The following ZKSCAN2 variants were observed in gnomAD, a reference collection of about 807,000 sequenced individuals.
ZKSCAN2 encodes the protein zinc finger protein with KRAB and SCAN domains 2.
A neutral mutation model predicts 90.5 loss-of-function variants in ZKSCAN2; 38 were observed. The ratio of observed to expected loss-of-function variants is 0.42; its 90% CI spans 0.32 to 0.55. The LOEUF (loss-of-function observed/expected upper bound fraction) is 0.55, where lower values mean the gene tolerates loss of function less well. ZKSCAN2 is among the 20% of genes least tolerant of loss of function. The probability of loss-of-function intolerance (pLI) is 0.11; values close to 1 mark genes in which losing one functional copy is unlikely to be tolerated. For missense variants in ZKSCAN2, 1,167 were observed against 1,202.6 expected, an observed-to-expected ratio of 0.97 and a Z score of 0.44; for synonymous variants, 429 against 421.6, an observed-to-expected ratio of 1.02 and a Z score of -0.22.
intron 2 of ZKSCAN2, 102 bp downstream of exon 2, chr16:25,255,104 T>C (rs1963078251): frequency 1.7e-6 from 2 of 1,195,484 alleles, no homozygotes; most frequent in East Asian, 2.6e-5. Flanking sequence ...CTATTCTGAA[T>C]ATGTATCAAG....
In ZKSCAN2 at chr16:25,238,285, C is replaced by A. The variant is rs555459276; in HGVS notation, c.*1531G>T. On this transcript the variant is annotated 3_prime_UTR_variant, in exon 7 of 7. Coordinates refer to ENST00000328086, the MANE Select transcript of ZKSCAN2 (RefSeq NM_001012981.5). ...AAACAGCCCTAACTCCGGTTCCCTT[C>A]CCATTAAACTTGTGACTTCTCCCTT... 1.6e-4 allele frequency: 25 copies of A among 152,380 alleles called. No homozygotes were observed. The highest frequency in any genetic ancestry group is 5.8e-4 in the African/African-American group (24 of 41,558). The allele number at this position is 152,380 out of a possible 1,614,324, so 9.4% of individuals were successfully genotyped here. A position where few individuals can be genotyped will look rare whatever the true frequency, so the allele number is the denominator to read the frequency against.
At position 25,236,363 on chromosome 16, in the gene ZKSCAN2, T is replaced by G. The variant is rs1197452764; in HGVS notation, c.*3453A>C. ...TCCCCAACAAGCTCCTGGGCTGAGTTTGCTGTCACAGCATCCCCTCCCTTT... is the reference window on the plus strand; with the variant it reads ...TCCCCAACAAGCTCCTGGGCTGAGTGTGCTGTCACAGCATCCCCTCCCTTT... On this transcript the variant is annotated 3_prime_UTR_variant, in exon 7 of 7. Transcript: ENST00000328086. 1 of 152,376 alleles carries G rather than the reference T, an allele frequency of 6.6e-6. No individual in the cohort carries two copies. The highest frequency in any genetic ancestry group is 1.5e-5 in the Non-Finnish European group (1 of 68,160). 9.4% of individuals were successfully genotyped at this position (152,376 alleles called of 1,614,324 possible). A position where few individuals can be genotyped will look rare whatever the true frequency, so the allele number is the denominator to read the frequency against.
intron 2 of ZKSCAN2, among the ~76,000 whole-genome samples, chr16:25,254,583 T>C (rs1963067925): frequency 6.6e-6 from 1 of 152,222 alleles, no homozygotes; most frequent in South Asian, 2.1e-4. Context: ...TTGTAGAATG[T>C]AGATCTTATT....
At position 25,257,397 on chromosome 16, in the gene ZKSCAN2, A is replaced by G; in HGVS notation, c.-270T>C. ...TGGTTTTCCAGAGTGCATCCCTCTT[A>G]GTGCAAAGTCGGAAACCGGGAGGCT... On this transcript the variant is annotated 5_prime_UTR_variant, in exon 1 of 7. Coordinates refer to ENST00000328086, the MANE Select transcript of ZKSCAN2 (RefSeq NM_001012981.5). 1 of 1,169,978 alleles carries G rather than the reference A, an allele frequency of 8.5e-7. No homozygotes were observed. The highest frequency in any genetic ancestry group is 1.1e-6 in the Non-Finnish European group (1 of 949,476). The allele number at this position is 1,169,978 out of a possible 1,614,324, so 72.5% of individuals were successfully genotyped here.
intron 4 of ZKSCAN2, among the ~76,000 whole-genome samples, chr16:25,249,907 A>C (rs188240313): frequency 8.5e-4 from 130 of 152,378 alleles, no homozygotes; most frequent in African/African-American, 3.0e-3. Context: ...TCAATGAAGC[A>C]TTATTCACAA....
chr16:25,253,641 T>C (rs1963054026), intron 2 of ZKSCAN2, among the ~76,000 whole-genome samples: 1 of 152,238 alleles, frequency 6.6e-6, no homozygotes, highest in African/African-American at 2.4e-5. Context: ...TAGCATTTAT[T>C]GAGCACTATT....
At chr16:25,256,678 T>G in intron 1 of ZKSCAN2, 51 bp downstream of exon 1, 2 of 1,557,406 alleles carry the variant, frequency 1.3e-6, no homozygotes, top group Non-Finnish European at 1.7e-6. Context: ...CCCACATGCC[T>G]TTCCCATTCC....
At position 25,240,599 on chromosome 16, in the gene ZKSCAN2, T is replaced by G; in HGVS notation, c.2121A>C (p.Glu707Asp). Residue 707 changes from glutamate to aspartate, a missense_variant, in exon 7 of 7, where the codon GAA (glutamate) becomes GAC (aspartate). Transcript: ENST00000328086. ...TTTCCCATTGTCTTCCTGAGATGCA[T>G]TCCCTTTTGCGATATTTGCTGGGGT... Reference protein sequence around the residue: ...STDPSKYRKRECISGRQWENL... With the variant: ...STDPSKYRKRDCISGRQWENL... 1 of 1,614,238 alleles carries G rather than the reference T, an allele frequency of 6.2e-7. No homozygotes were observed. Among genetic ancestry groups the G allele is most frequent in the Non-Finnish European group, 8.5e-7 (1 of 1,180,040 alleles).
At chr16:25,248,282 C>CAA (rs55673563) in intron 4 of ZKSCAN2, among the ~76,000 whole-genome samples, 339 of 23,158 alleles carry the variant, frequency 0.015, 4 homozygotes, top group Middle Eastern at 0.036. Flanking sequence ...TTCTATACAG[C>CAA]AAAAAAAAAA....
rs1962823704 is a variant in ZKSCAN2, at chr16:25,239,930, A to G, written c.2790T>C (p.Leu930=). The change falls in exon 7 of 7, where the codon CTT becomes CTC. Residue 930 remains leucine (L), a synonymous_variant. Transcript: ENST00000328086. ...TCACATGAACTTCCCGATGTTTGGT[A>G]AGAACAGAACTCTTACTGAAACGTT... The part of the protein sequence containing the change: ...CGKRFSKSSV[L]TKHREVHVRE... 1.2e-6 allele frequency: 2 copies of G among 1,614,194 alleles called. No individual in the cohort carries two copies. The highest frequency in any genetic ancestry group is 1.7e-6 in the Non-Finnish European group (2 of 1,180,028).
At chr16:25,243,555 C>T (rs1962884757) in intron 6 of ZKSCAN2, among the ~76,000 whole-genome samples, 1 of 152,168 alleles carries the variant, frequency 6.6e-6, no homozygotes, top group Admixed American at 6.5e-5. Flanking sequence ...TCTTGAACTC[C>T]TGACCCCAGG....
Position 25,240,189 on chromosome 16 carries a change from G to C in ZKSCAN2, c.2531C>G (p.Ser844Cys). The change falls in exon 7 of 7, where the codon TCT (serine) becomes TGT (cysteine). Residue 844 changes from serine to cysteine, a missense_variant. Physicochemically the swap from Ser to Cys is moderately radical, Grantham distance 112 (BLOSUM62 -1). Coordinates refer to ENST00000328086, the MANE Select transcript of ZKSCAN2 (RefSeq NM_001012981.5). The part of the protein sequence containing the change: ...GECGKCFSQS[S>C]SLIIHQRTHT... ...CGTTCTCTGATGTATAATAAGACTA[G>C]AGCTCTGACTAAAGCATTTTCCACA... 1.2e-6 allele frequency: 2 copies of C among 1,614,100 alleles called. No homozygotes were observed. Among genetic ancestry groups the C allele is most frequent in the Non-Finnish European group, 1.7e-6 (2 of 1,180,022 alleles).
chr16:25,248,721 T>C (rs758504810), intron 4 of ZKSCAN2, among the ~76,000 whole-genome samples: 13 of 152,180 alleles, frequency 8.5e-5, no homozygotes, highest in Admixed American at 1.3e-4. Flanking sequence ...GGAAGAGTCA[T>C]TATGGAAAAC....
rs747847540 is a variant in ZKSCAN2, at chr16:25,243,969, T to C, written c.1797A>G (p.Pro599=). The change falls in exon 6 of 7, where the codon CCA becomes CCG. Residue 599 remains proline (P), a synonymous_variant. Transcript: ENST00000328086. ...CCCCTCTTTCTTGCCTTGAAGGTGA[T>C]GGGACTTCCTCTGGGGTGCTGGGGG... The part of the protein sequence containing the change: ...APSPSTPEEV[P]SPSRQERGGI... 2.7e-5 allele frequency: 44 copies of C among 1,614,074 alleles called. No individual in the cohort carries two copies. The highest frequency in any genetic ancestry group is 1.6e-4 in the Middle Eastern group (1 of 6,084).
rs1962764548 is a variant in ZKSCAN2, at chr16:25,236,116, C to A, written c.*3700G>T. 2 of 152,200 alleles carry A rather than the reference C, an allele frequency of 1.3e-5. No individual in the cohort carries two copies. Among genetic ancestry groups the A allele is most frequent in the African/African-American group, 4.8e-5 (2 of 41,452 alleles). The allele number at this position is 152,200 out of a possible 1,614,324, so 9.4% of individuals were successfully genotyped here. On this transcript the variant is annotated 3_prime_UTR_variant, in exon 7 of 7. Transcript: ENST00000328086. ...AACAATGAATGGACATCCATTTGCACCAGGTCTTGGAATGCATTCAGAGGC... is the reference window on the plus strand; with the variant it reads ...AACAATGAATGGACATCCATTTGCAACAGGTCTTGGAATGCATTCAGAGGC...
At position 25,257,389 on chromosome 16, in the gene ZKSCAN2, T is replaced by A. The variant is rs1963123561; in HGVS notation, c.-262A>T. 2 of 1,204,630 alleles carry A rather than the reference T, an allele frequency of 1.7e-6. No individual in the cohort carries two copies. Among genetic ancestry groups the A allele is most frequent in the Non-Finnish European group, 2.1e-6 (2 of 970,210 alleles). The allele number at this position is 1,204,630 out of a possible 1,614,324, so 74.6% of individuals were successfully genotyped here. On this transcript the variant is annotated 5_prime_UTR_variant, in exon 1 of 7. The change abolishes an upstream ATG in the 5' untranslated region. Coordinates refer to ENST00000328086, the MANE Select transcript of ZKSCAN2 (RefSeq NM_001012981.5). The stretch of plus-strand genomic sequence containing the variant: ...GCGCAATGTGGTTTTCCAGAGTGCA[T>A]CCCTCTTAGTGCAAAGTCGGAAACC...
intron 2 of ZKSCAN2, 147 bp downstream of exon 2, chr16:25,255,057 CAT>C: frequency 1.4e-6 from 1 of 735,782 alleles, no homozygotes; most frequent in Non-Finnish European, 2.0e-6. Context: ...TTATATTGCA[CAT>C]GTTCCTAATT....
At chr16:25,246,598 T>C (rs1382492572) in intron 5 of ZKSCAN2, 109 bp downstream of exon 5, 2 of 1,086,238 alleles carry the variant, frequency 1.8e-6, no homozygotes, top group Admixed American at 1.8e-5. Flanking sequence ...GTGAAAGTGG[T>C]GAGGTGTGTG....
chr16:25,240,748 T>C lies in ZKSCAN2; in HGVS notation c.1982-10A>G, dbSNP rs1422246514. 2 of 1,600,444 alleles carry C rather than the reference T, an allele frequency of 1.2e-6. No individual in the cohort carries two copies. The highest frequency in any genetic ancestry group is 1.7e-6 in the Non-Finnish European group (2 of 1,171,760). On this transcript the variant is annotated splice_polypyrimidine_tract_variant and intron_variant, in intron 6 of 6. Transcript: ENST00000328086. ...CTTCCGATTTCAAAATCTGAAAAAATGAAAGACAATACAAATTTTATACAA... is the reference window on the plus strand; with the variant it reads ...CTTCCGATTTCAAAATCTGAAAAAACGAAAGACAATACAAATTTTATACAA...
Sources: allele counts gnomAD v4.1 joint callset (sites outside exome capture counted in the v4.1 genomes callset), GRCh38; gene constraint gnomAD v4.1.1; transcripts MANE v1.5; gene names NCBI Gene and HGNC (gene_info 2026-07-23, HGNC 2026-07-21).